TTN: variants seen among roughly 807,000 people sequenced by gnomAD.
The protein encoded by TTN is titin.
TTN carries 1,525 observed loss-of-function variants against 3,223.0 expected under a neutral mutation model. The ratio of observed to expected loss-of-function variants is 0.47; its 90% CI spans 0.45 to 0.49. The LOEUF (loss-of-function observed/expected upper bound fraction) is 0.49. Among genes scored for constraint, TTN ranks in the 20% least tolerant of loss-of-function variants. The probability of loss-of-function intolerance (pLI) is 0.00; values close to 1 mark genes in which losing one functional copy is unlikely to be tolerated. For synonymous variants in TTN, 14,094 were observed against 15,161.0 expected (o/e 0.93, Z 5.17); for missense variants, 40,786 against 43,424.0 (o/e 0.94, Z 5.40).
chr2:178,792,895 C>T lies in TTN; in HGVS notation c.1536+509G>A, dbSNP rs569950899. Among the ~76,000 whole-genome samples the T allele has an allele frequency of 2.1e-3, 327 of 152,314 alleles. 2 individuals are homozygous for T. Among genetic ancestry groups the T allele is most frequent in the African/African-American group, 7.3e-3 (304 of 41,570 alleles). ...CATTTTCCAATCTGTCCCCAAATGC[C>T]GCCAACCATGGGGCTGTCCTTTTCA... On this transcript the variant is annotated intron_variant, in intron 9 of 362. Coordinates refer to ENST00000589042, the MANE Select transcript of TTN (RefSeq NM_001267550.2).
At position 178,757,169 on chromosome 2, in the gene TTN, A is replaced by C; in HGVS notation, c.10679-372T>G. On this transcript the variant is annotated intron_variant, in intron 45 of 362. Transcript: ENST00000589042. ...GTATGCTTTAAGTACAGTAAGTAAT[A>C]CTGTACTTACTTTAAGTACAGTAAG... 1.3e-5 allele frequency among the ~76,000 whole-genome samples: 2 copies of C among 151,694 alleles called. 1 individual carries two copies. Among genetic ancestry groups the C allele is most frequent in the Non-Finnish European group, 2.9e-5 (2 of 68,048 alleles).
Position 178,649,583 on chromosome 2 carries a change from A to G in TTN, c.39944T>C (p.Val13315Ala), listed in dbSNP as rs1450947988. 23 of 1,550,050 alleles carry G rather than the reference A, an allele frequency of 1.5e-5. No homozygotes were observed. The highest frequency in any genetic ancestry group is 1.7e-5 in the Non-Finnish European group (19 of 1,146,612). The change falls in exon 212 of 363, where the codon GTT (valine) becomes GCT (alanine). Residue 13315 changes from valine (V) to alanine (A), a missense_variant. Coordinates refer to ENST00000589042, the MANE Select transcript of TTN (RefSeq NM_001267550.2). ...KVVPVKKVPT[V>A]KKPETPAAKV... ...AGCTGCTGGTGTTTCTGGCTTCTTA[A>G]CAGTTGGGACCTTCTTCACTGGAAC... is the stretch of plus-strand genomic sequence containing the variant.
In TTN at chr2:178,594,167, C is replaced by T. The variant is rs201505306; in HGVS notation, c.58226G>A (p.Arg19409His). The change falls in exon 297 of 363, where the codon CGT (arginine) becomes CAT (histidine). Residue 19409 changes from arginine (R) to histidine (H), a missense_variant. Transcript: ENST00000589042. ...RVGEAFALTG[R>H]YSGKPKPKVS... Reference sequence around the variant, plus strand: ...CTTAGGCTTTGGTTTGCCTGAGTAACGGCCAGTGAGGGCAAAAGCTTCACC... The same window carrying T: ...CTTAGGCTTTGGTTTGCCTGAGTAATGGCCAGTGAGGGCAAAAGCTTCACC... 1.3e-4 allele frequency: 214 copies of T among 1,613,204 alleles called. No individual in the cohort carries two copies. The African/African-American group carries it at 2.2e-3, about 16-fold the overall frequency.
intron 121 of TTN, among the ~76,000 whole-genome samples, chr2:178,691,123 A>C (rs1187873686): frequency 6.6e-6 from 1 of 152,220 alleles, no homozygotes; most frequent in African/African-American, 2.4e-5. Context: ...TGAGAAAGAG[A>C]GAAGCATATT....
At chr2:178,619,285 TA>T in intron 250 of TTN, 1 of 392,684 alleles carries the variant, frequency 2.5e-6, no homozygotes, top group Non-Finnish European at 4.6e-6. Context: ...AGAACATACC[TA>T]AAAGGCACAC....
chr2:178,726,699 T>G, intron 69 of TTN: 1 of 158,876 alleles, frequency 6.3e-6, no homozygotes, highest in Non-Finnish European at 1.4e-5. Context: ...TGCTTTCACT[T>G]TGCATAGATA....
At chr2:178,684,228 C>CAAG in intron 132 of TTN, 102 bp downstream of exon 132, 2 of 1,242,778 alleles carry the variant, frequency 1.6e-6, no homozygotes, top group Non-Finnish European at 2.2e-6. Context: ...ACAACAACAT[C>CAAG]AACAACAACA....
chr2:178,717,167 C>T lies in TTN; in HGVS notation c.25567G>A (p.Ala8523Thr), dbSNP rs1288397933. 1.1e-5 allele frequency: 18 copies of T among 1,613,638 alleles called. No homozygotes were observed. The highest frequency in any genetic ancestry group is 1.4e-5 in the Non-Finnish European group (17 of 1,179,660). ...LTVLKVGKGD[A>T]GQYTCYASNI... ...CTTGCATAGCAGGTGTACTGCCCGG[C>T]ATCGCCTTTGCCTACTTTGAGAACT... The change falls in exon 88 of 363, where the codon GCC (alanine) becomes ACC (threonine). Residue 8523 changes from alanine (A) to threonine (T), a missense_variant. Physicochemically the swap from Ala to Thr is moderately conservative, Grantham distance 58. Transcript: ENST00000589042.
Position 178,792,213 on chromosome 2 carries a change from T to G in TTN, c.1537-16A>C. On this transcript the variant is annotated splice_polypyrimidine_tract_variant and intron_variant, in intron 9 of 362. Coordinates refer to ENST00000589042, the MANE Select transcript of TTN (RefSeq NM_001267550.2). ...CTTTTCTTATCTGCAAAGAATGATT[T>G]AAGAAAAAACTTTATTTCCTGATGC... 1 of 1,597,686 alleles carries G rather than the reference T, an allele frequency of 6.3e-7. No homozygotes were observed. The highest frequency in any genetic ancestry group is 8.5e-7 in the Non-Finnish European group (1 of 1,175,480).
rs2079690351 is a variant in TTN at position 178,728,189 on chromosome 2, T to C, written c.19635A>G (p.Leu6545=). ...TGCATGTGTAATTTGCAGTATCTTC[T>C]AATTCCAGATTATTAACTTCCAGAG... ...SVSLEVNNLE[L]EDTANYTCKV... Residue 6545 remains leucine, a synonymous_variant, in exon 67 of 363, where the codon TTA becomes TTG. Coordinates refer to ENST00000589042, the MANE Select transcript of TTN (RefSeq NM_001267550.2). 1 of 1,612,766 alleles carries C rather than the reference T, an allele frequency of 6.2e-7. No individual in the cohort carries two copies. Among genetic ancestry groups the C allele is most frequent in the South Asian group, 1.1e-5 (1 of 90,966 alleles).
chr2:178,646,630 A>G, intron 215 of TTN, 71 bp from the exon 216 acceptor site: 1 of 838,564 alleles, frequency 1.2e-6, no homozygotes, highest in Non-Finnish European at 1.9e-6. Context: ...TACAAATTTC[A>G]CATTGATGCA....
chr2:178,602,740 G>T, intron 282 of TTN, 150 bp from the exon 283 acceptor site: 1 of 620,476 alleles, frequency 1.6e-6, no homozygotes, highest in Non-Finnish European at 2.4e-6. Context: ...TTCTAGAGAA[G>T]AGAAATAAAG....
chr2:178,780,211 A>T lies in TTN; in HGVS notation c.3524-6T>A. The T allele has an allele frequency of 1.9e-6, 3 of 1,609,626 alleles. No individual in the cohort carries two copies. Among genetic ancestry groups the T allele is most frequent in the Non-Finnish European group, 2.6e-6 (3 of 1,176,102 alleles). ...CATCAGTAACTCATAATCAGCTAAGAGTTAAGAACATCAGTTAATTTTTAA... is the reference window on the plus strand; with the variant it reads ...CATCAGTAACTCATAATCAGCTAAGTGTTAAGAACATCAGTTAATTTTTAA... On this transcript the variant is annotated splice_polypyrimidine_tract_variant and splice_region_variant and intron_variant, in intron 21 of 362. Transcript: ENST00000589042.
chr2:178,647,500 T>C (rs951329004), intron 213 of TTN, 36 bp from the exon 214 acceptor site: 1 of 1,540,132 alleles, frequency 6.5e-7, no homozygotes, highest in African/African-American at 1.4e-5. Flanking sequence ...ATTAAGAATT[T>C]AGAAGACATG....
chr2:178,531,589 C>A lies in TTN; in HGVS notation c.105026G>T (p.Ser35009Ile). 2 of 1,614,022 alleles carry A rather than the reference C, an allele frequency of 1.2e-6. No individual in the cohort carries two copies. Among genetic ancestry groups the A allele is most frequent in the South Asian group, 2.2e-5 (2 of 91,088 alleles). ...GGTGCACACAGCACGGTAGGTTCCA[C>A]TGTCATCAGTATGACAGTCCAGAAT... ...LEILDCHTDD[S>I]GTYRAVCTNY... is the part of the protein sequence containing the mutation. Residue 35009 changes from serine (S) to isoleucine (I), a missense_variant, in exon 358 of 363, where the codon AGT (serine) becomes ATT (isoleucine). Coordinates refer to ENST00000589042, the MANE Select transcript of TTN (RefSeq NM_001267550.2).
chr2:178,779,021 A>G lies in TTN; in HGVS notation c.4061T>C (p.Val1354Ala). Reference protein sequence around the residue: ...DGRASLRIPVVLPEDEGIYTA... With the variant: ...DGRASLRIPVALPEDEGIYTA... Reference sequence around the variant, plus strand: ...GTAGATTCCTTCATCTTCTGGAAGAACAACAGGTATACGCAGACTAGCTCT... The same window carrying G: ...GTAGATTCCTTCATCTTCTGGAAGAGCAACAGGTATACGCAGACTAGCTCT... The change falls in exon 24 of 363, where the codon GTT (valine) becomes GCT (alanine). Residue 1354 changes from valine (V) to alanine (A), a missense_variant. Physicochemically the swap from Val to Ala is moderately conservative, Grantham distance 64. Coordinates refer to ENST00000589042, the MANE Select transcript of TTN (RefSeq NM_001267550.2). The G allele has an allele frequency of 6.2e-7, 1 of 1,613,138 alleles. No homozygotes were observed. Among genetic ancestry groups the G allele is most frequent in the South Asian group, 1.1e-5 (1 of 91,036 alleles).
In TTN at chr2:178,534,344, G is replaced by A. The variant is rs140319117; in HGVS notation, c.102271C>T (p.Arg34091Trp). The A allele has an allele frequency of 1.4e-3, 2,219 of 1,612,356 alleles. 2 individuals carry two copies. Among genetic ancestry groups the A allele is most frequent in the Non-Finnish European group, 1.6e-3 (1,923 of 1,179,806 alleles). The change falls in exon 358 of 363, where the codon CGG becomes TGG. Residue 34091 changes from arginine (R) to tryptophan (W), a missense_variant. Physicochemically the swap from Arg to Trp is moderately radical, Grantham distance 101. Coordinates refer to ENST00000589042, the MANE Select transcript of TTN (RefSeq NM_001267550.2). The stretch of plus-strand genomic sequence containing the variant: ...TTGATCAGGGTGTGGTAATAACGCC[G>A]GTGTTTTAATGTTCTGATAACTTTA... ...STKVIRTLKH[R>W]RYYHTLIKKD...
At position 178,678,843 on chromosome 2, in the gene TTN, CAAATAGAGT is replaced by C. The variant is rs751710802; in HGVS notation, c.33743-22_33743-14del. 3 of 1,578,054 alleles carry C rather than the reference CAAATAGAGT, an allele frequency of 1.9e-6. No homozygotes were observed. In the Admixed American group the frequency reaches 5.8e-5, roughly 30 times the overall value. On this transcript the variant is annotated splice_polypyrimidine_tract_variant and intron_variant, in intron 142 of 362. Coordinates refer to ENST00000589042, the MANE Select transcript of TTN (RefSeq NM_001267550.2). ...GGCACTTCAGGAACTTCAAAGATAT[CAAATAGAGT>C]TAGTGTCACATTTTTTACCCATAGC...
rs2066548679 is a variant in TTN, at chr2:178,669,371, A to G, written c.35545+2T>C. The stretch of plus-strand genomic sequence containing the variant: ...AAGAACCACTAATTTTTCTACACTC[A>G]CTGTACATCTCTGTGTCTTCAGAAA... On this transcript the variant is annotated splice_donor_variant, in intron 159 of 362. Coordinates refer to ENST00000589042, the MANE Select transcript of TTN (RefSeq NM_001267550.2). LOFTEE classifies it high-confidence loss of function. 1.3e-6 allele frequency: 2 copies of G among 1,522,548 alleles called. No homozygotes were observed. The highest frequency in any genetic ancestry group is 1.2e-5 in the South Asian group (1 of 80,432). 94.3% of individuals were successfully genotyped at this position (1,522,548 alleles called of 1,614,324 possible). A position where few individuals can be genotyped will look rare whatever the true frequency, so the allele number is the denominator to read the frequency against.
Sources: gnomAD v4.1 joint callset for allele counts (sites outside exome capture counted in the v4.1 genomes callset) on GRCh38, gnomAD v4.1.1 for gene constraint, MANE v1.5 for transcripts, NCBI Gene and HGNC (gene_info 2026-07-23, HGNC 2026-07-21) for gene names.